PCDHGB1: variants seen among roughly 807,000 people sequenced by gnomAD.
The protein encoded by PCDHGB1 is protocadherin gamma subfamily B, 1, also known as protocadherin gamma-B1.
PCDHGB1 carries 34 observed loss-of-function variants against 56.6 expected under a neutral mutation model. The ratio of observed to expected loss-of-function variants is 0.60; its 90% CI spans 0.46 to 0.80. The LOEUF (loss-of-function observed/expected upper bound fraction) is 0.80, where lower values mean the gene tolerates loss of function less well. Among genes scored for constraint, PCDHGB1 ranks in the 30% least tolerant of loss-of-function variants. PCDHGB1 has a pLI of 0.00. For missense variants in PCDHGB1, 1,278 were observed against 1,204.6 expected, an observed-to-expected ratio of 1.06 and a Z score of -0.90; for synonymous variants, 561 against 505.9, an observed-to-expected ratio of 1.11 and a Z score of -1.46.
At chr5:141,510,862 C>T (rs764422869) in intron 3 of PCDHGB1, 85 bp from the exon 4 acceptor site, 22 of 1,606,772 alleles carry the variant, frequency 1.4e-5, no homozygotes, top group Non-Finnish European at 1.7e-5. Flanking sequence ...GCTGTATAGG[C>T]ATTCATTAAC....
intron 3 of PCDHGB1, among the ~76,000 whole-genome samples, chr5:141,509,068 G>A (rs1267011061): frequency 6.6e-6 from 1 of 152,144 alleles, no homozygotes; most frequent in Non-Finnish European, 1.5e-5. Flanking sequence ...TCTCAGCTCC[G>A]GGGATTTGCG....
Position 141,421,230 on chromosome 5 carries a change from G to A in PCDHGB1, c.2409+68561G>A, listed in dbSNP as rs530853994. 1.9e-6 allele frequency: 3 copies of A among 1,590,132 alleles called. No individual in the cohort carries two copies. The East Asian group carries it at 6.7e-5, about 36-fold the overall frequency. The stretch of plus-strand genomic sequence containing the variant: ...GGAATATCGGCTTAGAGCCTGCCAT[G>A]GCGAATCGGCTACAGCGCGGGGACC... On this transcript the variant is annotated intron_variant, in intron 1 of 3. Coordinates refer to ENST00000523390, the MANE Select transcript of PCDHGB1 (RefSeq NM_018922.3).
chr5:141,413,816 T>A (rs1422730893), intron 1 of PCDHGB1: 1 of 1,613,128 alleles, frequency 6.2e-7, no homozygotes, highest in Non-Finnish European at 8.5e-7. Flanking sequence ...ATTCACCACC[T>A]GGTCCTCACC....
At chr5:141,421,762 T>G (rs1272315856) in intron 1 of PCDHGB1, 2 of 1,613,884 alleles carry the variant, frequency 1.2e-6, no homozygotes, top group Non-Finnish European at 8.5e-7. Context: ...TAATAATTAC[T>G]TTTCCTTGCA....
In PCDHGB1 at chr5:141,352,397, C is replaced by T. The variant is rs761570903; in HGVS notation, c.2137C>T (p.Arg713Cys). 1.9e-6 allele frequency: 3 copies of T among 1,613,940 alleles called. No homozygotes were observed. Among genetic ancestry groups the T allele is most frequent in the Non-Finnish European group, 2.5e-6 (3 of 1,179,906 alleles). The change falls in exon 1 of 4, where the codon CGT becomes TGT. Residue 713 changes from arginine (R) to cysteine (C), a missense_variant. Coordinates refer to ENST00000523390, the MANE Select transcript of PCDHGB1 (RefSeq NM_018922.3). ...TCTAGCGATCGCCCTGCGCCTGCGACGTTCCTCCAGCCTCGACACTGAGGG... is the reference window on the plus strand; with the variant it reads ...TCTAGCGATCGCCCTGCGCCTGCGATGTTCCTCCAGCCTCGACACTGAGGG... ...VILAIALRLR[R>C]SSSLDTEGCF...
At position 141,486,415 on chromosome 5, in the gene PCDHGB1, T is replaced by C. The variant is rs745877804; in HGVS notation, c.2410-8392T>C. On this transcript the variant is annotated intron_variant, in intron 1 of 3. Transcript: ENST00000523390. The surrounding 1 kb of genome is among the most constrained non-coding windows in gnomAD (Gnocchi z 5.0). ...CCCTGGTGACTGCTGGACCCTTGGA[T>C]CGAGAGGCCAAATCTAGCTATGACA... 6.2e-7 allele frequency: 1 copy of C among 1,614,176 alleles called. No individual in the cohort carries two copies. The highest frequency in any genetic ancestry group is 8.5e-7 in the Non-Finnish European group (1 of 1,180,022).
At chr5:141,415,650 A>G in intron 1 of PCDHGB1, 1 of 1,597,054 alleles carries the variant, frequency 6.3e-7, no homozygotes, top group Non-Finnish European at 8.5e-7. Context: ...TTAAAAAAAA[A>G]AAGATTGGTT....
At chr5:141,492,703 G>A (rs2099743198) in intron 1 of PCDHGB1, among the ~76,000 whole-genome samples, 1 of 152,246 alleles carries the variant, frequency 6.6e-6, no homozygotes, top group Non-Finnish European at 1.5e-5. Flanking sequence ...CAACCCAGAA[G>A]CCTCGAGCAG....
chr5:141,351,850 C>T lies in PCDHGB1; in HGVS notation c.1590C>T (p.Ala530=), dbSNP rs1451571562. The T allele has an allele frequency of 6.2e-7, 1 of 1,613,256 alleles. No homozygotes were observed. ...GCGCCTTCGAGCTCACACTGCAGGC[C>T]AGGGACCAGGGCTCCCCCGCGCTCA... is the stretch of plus-strand genomic sequence containing the variant. ...QLRAFELTLQ[A]RDQGSPALSA... is the part of the protein sequence containing the mutation. Residue 530 remains alanine (A), a synonymous_variant, in exon 1 of 4, where the codon GCC becomes GCT. Coordinates refer to ENST00000523390, the MANE Select transcript of PCDHGB1 (RefSeq NM_018922.3).
At chr5:141,475,815 C>T (rs2099373124) in intron 1 of PCDHGB1, 1 of 340,648 alleles carries the variant, frequency 2.9e-6, no homozygotes, top group Non-Finnish European at 5.3e-6. Flanking sequence ...AAGTGAAGTT[C>T]CTGGCGCTAG....
intron 3 of PCDHGB1, among the ~76,000 whole-genome samples, chr5:141,507,713 C>T (rs2099862763): frequency 6.6e-6 from 1 of 152,234 alleles, no homozygotes; most frequent in Non-Finnish European, 1.5e-5. Flanking sequence ...GGCCCCAAAC[C>T]CTCCAAGCAA....
At chr5:141,405,556 C>G in intron 1 of PCDHGB1, 1 of 619,826 alleles carries the variant, frequency 1.6e-6, no homozygotes, top group African/African-American at 1.8e-5. Flanking sequence ...AGTAGAGTAG[C>G]TGGGACTAGA....
chr5:141,481,362 A>G (rs2099536613), intron 1 of PCDHGB1, among the ~76,000 whole-genome samples: 1 of 152,252 alleles, frequency 6.6e-6, no homozygotes, highest in African/African-American at 2.4e-5. Context: ...CAGCTGTTCA[A>G]TAGATATTGG....
intron 1 of PCDHGB1, chr5:141,398,380 C>G: frequency 6.9e-7 from 1 of 1,455,908 alleles, no homozygotes; most frequent in South Asian, 1.2e-5. Flanking sequence ...CGGGGAGTTG[C>G]TTGTGAGCAG....
chr5:141,403,161 G>A (rs1435695987), intron 1 of PCDHGB1: 12 of 1,614,026 alleles, frequency 7.4e-6, no homozygotes, highest in Non-Finnish European at 1.0e-5. Context: ...GTCTCTAGAG[G>A]TAGGACGCAG....
chr5:141,419,549 T>C, intron 1 of PCDHGB1: 1 of 1,612,006 alleles, frequency 6.2e-7, no homozygotes, highest in Non-Finnish European at 8.5e-7. Context: ...GCGGGTGCTG[T>C]ACCCTGCGCT....
chr5:141,492,384 C>G (rs1001189412), intron 1 of PCDHGB1, among the ~76,000 whole-genome samples: 1 of 152,230 alleles, frequency 6.6e-6, no homozygotes, highest in Non-Finnish European at 1.5e-5. Context: ...AGGCCTGTTC[C>G]GGTCCACTCG....
At chr5:141,455,449 G>A (rs1421095381) in intron 1 of PCDHGB1, among the ~76,000 whole-genome samples, 1 of 152,126 alleles carries the variant, frequency 6.6e-6, no homozygotes, top group Non-Finnish European at 1.5e-5. Flanking sequence ...CATCTACCGC[G>A]GATACCAGCC....
intron 1 of PCDHGB1, chr5:141,388,970 A>G (rs1561622326): frequency 6.2e-7 from 1 of 1,613,928 alleles, no homozygotes; most frequent in East Asian, 2.2e-5. Flanking sequence ...AGCTGGGAAC[A>G]CATATTGCTT....
Sources: gnomAD v4.1 joint callset for allele counts (sites outside exome capture counted in the v4.1 genomes callset) on GRCh38, gnomAD v4.1.1 for gene constraint, Gnocchi (gnomAD v3.1) non-coding constraint, MANE v1.5 for transcripts, NCBI Gene and HGNC (gene_info 2026-07-23, HGNC 2026-07-21) for gene names.